TCERG1L: variants seen among roughly 807,000 people sequenced by gnomAD.
The protein encoded by TCERG1L is transcription elongation regulator 1-like protein.
Under a neutral mutation model 56.3 loss-of-function variants are expected in TCERG1L, and 37 were observed. The observed-to-expected ratio is 0.66, with a 90% CI of 0.51 to 0.87. The LOEUF is 0.87. TCERG1L is among the 40% of genes least tolerant of loss of function. TCERG1L has a pLI of 0.00. For synonymous variants in TCERG1L, 324 were observed against 326.3 expected, an observed-to-expected ratio of 0.99 and a Z score of 0.08; for missense variants, 799 against 774.2, an observed-to-expected ratio of 1.03 and a Z score of -0.38.
intron 4 of TCERG1L, among the ~76,000 whole-genome samples, chr10:131,231,968 A>G (rs2133510998): frequency 6.6e-6 from 1 of 152,248 alleles, no homozygotes; most frequent in Non-Finnish European, 1.5e-5. Flanking sequence ...GCTGCTTTCC[A>G]TGTGTGAACA....
intron 9 of TCERG1L, among the ~76,000 whole-genome samples, chr10:131,113,723 A>C (rs982555667): frequency 7.1e-6 from 1 of 141,832 alleles, no homozygotes; most frequent in Non-Finnish European, 1.6e-5. Flanking sequence ...TCACCTGCAA[A>C]GGGACCCCTG....
chr10:131,132,561 G>A (rs936919440), intron 8 of TCERG1L, among the ~76,000 whole-genome samples: 1 of 152,178 alleles, frequency 6.6e-6, no homozygotes, highest in Non-Finnish European at 1.5e-5. Context: ...ATCAAATCAT[G>A]GCCACATTCC....
chr10:131,125,689 G>A (rs944824890), intron 8 of TCERG1L, among the ~76,000 whole-genome samples: 1 of 152,230 alleles, frequency 6.6e-6, no homozygotes, highest in African/African-American at 2.4e-5. Flanking sequence ...AGGGGTGTCG[G>A]TTCCGCCAGC....
At chr10:131,212,387 A>G (rs1845628665) in intron 4 of TCERG1L, among the ~76,000 whole-genome samples, 1 of 152,172 alleles carries the variant, frequency 6.6e-6, no homozygotes. Context: ...ATCCAGCCCA[A>G]ATGCATGATG....
chr10:131,125,208 C>CATGATGATGGTG (rs1554886704), intron 8 of TCERG1L, among the ~76,000 whole-genome samples: 4 of 151,396 alleles, frequency 2.6e-5, no homozygotes, highest in African/African-American at 7.3e-5. Context: ...TGGTGATGAA[C>CATGATGATGGTG]ATGATGATGA....
At chr10:131,131,189 C>A (rs763919520) in intron 8 of TCERG1L, among the ~76,000 whole-genome samples, 4 of 152,136 alleles carry the variant, frequency 2.6e-5, no homozygotes, top group Non-Finnish European at 5.9e-5. Context: ...GATGCTCAGG[C>A]GTTCATTCTT....
In TCERG1L at chr10:131,311,645, C is replaced by T. The variant is rs1410120862; in HGVS notation, c.-10G>A. 1.8e-6 allele frequency: 2 copies of T among 1,121,870 alleles called. No homozygotes were observed. Among genetic ancestry groups the T allele is most frequent in the African/African-American group, 3.3e-5 (2 of 60,032 alleles). 69.5% of individuals were successfully genotyped at this position (1,121,870 alleles called of 1,614,324 possible). On this transcript the variant is annotated 5_prime_UTR_variant, in exon 1 of 12. Coordinates refer to ENST00000368642, the MANE Select transcript of TCERG1L (RefSeq NM_174937.4). The surrounding 1 kb of genome is among the most constrained non-coding windows in gnomAD (Gnocchi z 4.0). ...TGGCGCCCGCCTGCATCCTACATCCCCGCGCTGACGGCGGCGGCGGGGGCG... is the reference window on the plus strand; with the variant it reads ...TGGCGCCCGCCTGCATCCTACATCCTCGCGCTGACGGCGGCGGCGGGGGCG...
At chr10:131,211,889 A>C (rs557388541) in intron 4 of TCERG1L, among the ~76,000 whole-genome samples, 1 of 152,324 alleles carries the variant, frequency 6.6e-6, no homozygotes, top group South Asian at 2.1e-4. Flanking sequence ...GTAATCAGAT[A>C]AACAGAAGTT....
chr10:131,208,449 G>A (rs1413106515), intron 4 of TCERG1L, among the ~76,000 whole-genome samples: 1 of 152,206 alleles, frequency 6.6e-6, no homozygotes, highest in Admixed American at 6.5e-5. Flanking sequence ...GAGACCAGCT[G>A]CCGAGAACGC....
chr10:131,310,777 G>A (rs1298215997), intron 1 of TCERG1L, among the ~76,000 whole-genome samples: 1 of 152,184 alleles, frequency 6.6e-6, no homozygotes, highest in Non-Finnish European at 1.5e-5. Context: ...GGCCACTTCC[G>A]TCGGTTGGAA....
At chr10:131,175,992 A>C (rs1012257258) in intron 4 of TCERG1L, among the ~76,000 whole-genome samples, 1 of 152,228 alleles carries the variant, frequency 6.6e-6, no homozygotes, top group Non-Finnish European at 1.5e-5. Context: ...AGGCTGAGTT[A>C]TTTAAGCAAC....
intron 3 of TCERG1L, among the ~76,000 whole-genome samples, chr10:131,280,470 G>A (rs771574543): frequency 1.4e-4 from 21 of 151,366 alleles, no homozygotes; most frequent in Non-Finnish European, 2.2e-4. Context: ...AGATGAGAGA[G>A]GAATGGTTGC....
chr10:131,305,942 CAT>C (rs956248290), intron 3 of TCERG1L, among the ~76,000 whole-genome samples: 28 of 152,058 alleles, frequency 1.8e-4, no homozygotes, highest in Admixed American at 7.2e-4. Flanking sequence ...ATTATTATAA[CAT>C]ATAAATTTAT....
At chr10:131,257,435 G>C (rs926674141) in intron 4 of TCERG1L, among the ~76,000 whole-genome samples, 18 of 152,334 alleles carry the variant, frequency 1.2e-4, no homozygotes, top group African/African-American at 3.8e-4. Context: ...TAAATCTAGT[G>C]CAAGGCACCG....
At chr10:131,176,922 GCACA>G (rs1203993840) in intron 4 of TCERG1L, among the ~76,000 whole-genome samples, 3 of 5,288 alleles carry the variant, frequency 5.7e-4, no homozygotes, top group African/African-American at 1.2e-3. Flanking sequence ...CAAGATACAT[GCACA>G]CAGACACGTG....
chr10:131,147,461 G>A lies in TCERG1L; in HGVS notation c.1035-801C>T, dbSNP rs142591088. Among the ~76,000 whole-genome samples, 629 of 152,318 alleles carry A rather than the reference G, an allele frequency of 4.1e-3. 3 individuals carry two copies. The highest frequency in any genetic ancestry group is 0.014 in the African/African-American group (585 of 41,578). ...CACTCTGACCCCGCGCTGTCCCCAC[G>A]AGCAAGCGCGGCAGATAAAGGCCAG... On this transcript the variant is annotated intron_variant, in intron 6 of 11. Coordinates refer to ENST00000368642, the MANE Select transcript of TCERG1L (RefSeq NM_174937.4).
intron 8 of TCERG1L, among the ~76,000 whole-genome samples, chr10:131,127,403 C>G (rs1218029472): frequency 6.6e-6 from 1 of 152,188 alleles, no homozygotes; most frequent in Non-Finnish European, 1.5e-5. Context: ...GAGGCAGCCC[C>G]CGGGCCTCTG....
intron 3 of TCERG1L, among the ~76,000 whole-genome samples, chr10:131,291,498 C>A (rs1224157034): frequency 7.7e-6 from 1 of 130,316 alleles, no homozygotes; most frequent in Non-Finnish European, 1.6e-5. Flanking sequence ...GTGATCTCGG[C>A]TCACTGCAAG....
chr10:131,152,881 C>T (rs555520835), intron 6 of TCERG1L, among the ~76,000 whole-genome samples: 26 of 152,246 alleles, frequency 1.7e-4, no homozygotes, highest in South Asian at 1.5e-3. Context: ...AAATGTCAGA[C>T]GCTTATAGAA....
Sources: allele counts gnomAD v4.1 joint callset (sites outside exome capture counted in the v4.1 genomes callset), GRCh38; gene constraint gnomAD v4.1.1; non-coding constraint Gnocchi (gnomAD v3.1); transcripts MANE v1.5; gene names NCBI Gene and HGNC (gene_info 2026-07-23, HGNC 2026-07-21).